The following UNC5D variants were observed in gnomAD, a reference collection of about 807,000 sequenced individuals.
UNC5D encodes the protein unc-5 netrin receptor D.
A neutral mutation model predicts 105.4 loss-of-function variants in UNC5D; 39 were observed. The observed-to-expected ratio is 0.37, with a 90% CI of 0.29 to 0.48. The LOEUF (loss-of-function observed/expected upper bound fraction) is 0.48, where lower values mean the gene tolerates loss of function less well. Among genes scored for constraint, UNC5D ranks in the 20% least tolerant of loss-of-function variants. UNC5D has a pLI of 0.98. For synonymous variants in UNC5D, 452 were observed against 450.4 expected, an observed-to-expected ratio of 1.00 and a Z score of -0.04; for missense variants, 991 against 1,202.4, an observed-to-expected ratio of 0.82 and a Z score of 2.60.
rs182593899 is a variant in UNC5D, at chr8:35,308,362, T to A, written c.103+72475T>A. ...CTGGAATCCAAGGACACTCTTACCTTGAAACTATAGATATGAACAGGTTTC... is the reference window on the plus strand; with the variant it reads ...CTGGAATCCAAGGACACTCTTACCTAGAAACTATAGATATGAACAGGTTTC... On this transcript the variant is annotated intron_variant, in intron 1 of 16. Coordinates refer to ENST00000404895, the MANE Select transcript of UNC5D (RefSeq NM_080872.4). 7.7e-3 allele frequency among the ~76,000 whole-genome samples: 1,171 copies of A among 152,194 alleles called. 4 individuals are homozygous for A. The highest frequency in any genetic ancestry group is 0.012 in the Non-Finnish European group (793 of 68,004).
chr8:35,664,797 A>AT (rs1341502351), intron 4 of UNC5D, among the ~76,000 whole-genome samples: 4 of 152,180 alleles, frequency 2.6e-5, no homozygotes, highest in African/African-American at 7.2e-5. Context: ...ATTTTGAGTT[A>AT]TTTTTAGGAT....
chr8:35,696,991 G>A (rs1027349879), intron 7 of UNC5D, among the ~76,000 whole-genome samples: 3 of 152,042 alleles, frequency 2.0e-5, no homozygotes, highest in African/African-American at 7.2e-5. Flanking sequence ...CAGATCTTTT[G>A]TTAACTAGTG....
intron 1 of UNC5D, among the ~76,000 whole-genome samples, chr8:35,343,659 A>G (rs1402053574): frequency 1.3e-5 from 2 of 152,126 alleles, no homozygotes; most frequent in Non-Finnish European, 2.9e-5. Context: ...TAATGAAGAA[A>G]CTAAAAATCT....
At chr8:35,639,863 A>G (rs1822603653) in intron 4 of UNC5D, among the ~76,000 whole-genome samples, 1 of 151,646 alleles carries the variant, frequency 6.6e-6, no homozygotes, top group African/African-American at 2.4e-5. Flanking sequence ...TTCCACCTAT[A>G]GGCATGCACC....
At position 35,282,669 on chromosome 8, in the gene UNC5D, A is replaced by C. The variant is rs1449668843; in HGVS notation, c.103+46782A>C. ...GTGTTCTTTAAAATGTGTGATTTCT[A>C]AACTGAACTTATTTTGCTTAACTAA... On this transcript the variant is annotated intron_variant, in intron 1 of 16. Transcript: ENST00000404895. Among the ~76,000 whole-genome samples the C allele has an allele frequency of 2.0e-5, 3 of 150,740 alleles. No homozygotes were observed. The East Asian group carries it at 6.0e-4, about 30-fold the overall frequency.
intron 1 of UNC5D, chr8:35,254,971 G>A (rs1803972016): frequency 6.6e-6 from 1 of 152,162 alleles, no homozygotes; most frequent in African/African-American, 2.4e-5. Flanking sequence ...TGTACTTATT[G>A]TAAGAAGTTT....
In UNC5D at chr8:35,372,158, C is replaced by T. The variant is rs115875389; in HGVS notation, c.103+136271C>T. Among the ~76,000 whole-genome samples the T allele has an allele frequency of 6.7e-3, 1,025 of 152,230 alleles. 11 individuals are homozygous for T. Among genetic ancestry groups the T allele is most frequent in the African/African-American group, 0.023 (950 of 41,526 alleles). On this transcript the variant is annotated intron_variant, in intron 1 of 16. Transcript: ENST00000404895. ...ATTTTTTTTGAGACGGAGTCTTACT[C>T]GGTCACCTAGGCTGGAGTGGAGTGG... is the stretch of plus-strand genomic sequence containing the variant.
Position 35,241,636 on chromosome 8 carries a change from CT to C in UNC5D, c.103+5760del, listed in dbSNP as rs557295722. Among the ~76,000 whole-genome samples the C allele has an allele frequency of 1.0e-3, 151 of 145,408 alleles. 2 individuals are homozygous for C. The highest frequency in any genetic ancestry group is 3.6e-3 in the Middle Eastern group (1 of 274). On this transcript the variant is annotated intron_variant, in intron 1 of 16. Coordinates refer to ENST00000404895, the MANE Select transcript of UNC5D (RefSeq NM_080872.4). ...TATTCTTCTTATATGACCAGTCTCA[CT>C]TTTTTTTTTTCAAACTTCAGAGTAG... is the stretch of plus-strand genomic sequence containing the variant.
chr8:35,537,234 G>A (rs1295235105), intron 1 of UNC5D, among the ~76,000 whole-genome samples: 1 of 152,130 alleles, frequency 6.6e-6, no homozygotes, highest in Non-Finnish European at 1.5e-5. Context: ...AATTTTGCTA[G>A]TAATCAGCAA....
intron 4 of UNC5D, among the ~76,000 whole-genome samples, chr8:35,682,392 G>C (rs1825729666): frequency 6.6e-6 from 1 of 152,218 alleles, no homozygotes; most frequent in South Asian, 2.1e-4. Flanking sequence ...AAATGCCCCT[G>C]ATGTGTATGC....
intron 1 of UNC5D, among the ~76,000 whole-genome samples, chr8:35,436,860 C>T (rs572431867): frequency 8.5e-5 from 13 of 152,154 alleles, no homozygotes; most frequent in African/African-American, 3.1e-4. Context: ...GACTTTTTCT[C>T]ATGAAATATT....
chr8:35,792,784 C>G lies in UNC5D; in HGVS notation c.*2221C>G, dbSNP rs1803099819. ...ATTTTCCCTCTTCCCTTCTAATGGG[C>G]ATTATAATTGTTTCATCTACTCTGT... is the stretch of plus-strand genomic sequence containing the variant. On this transcript the variant is annotated 3_prime_UTR_variant, in exon 17 of 17. Transcript: ENST00000404895. The G allele has an allele frequency of 3.3e-6, 1 of 305,312 alleles. No homozygotes were observed. 18.9% of individuals were successfully genotyped at this position (305,312 alleles called of 1,614,324 possible).
At chr8:35,754,104 TAAC>T (rs1223118240) in intron 13 of UNC5D, among the ~76,000 whole-genome samples, 1 of 152,224 alleles carries the variant, frequency 6.6e-6, no homozygotes, top group African/African-American at 2.4e-5. Context: ...AGGAAAGCCT[TAAC>T]AACAGTTCCC....
intron 1 of UNC5D, among the ~76,000 whole-genome samples, chr8:35,348,264 C>T (rs1340630616): frequency 1.3e-5 from 2 of 151,748 alleles, no homozygotes; most frequent in Non-Finnish European, 2.9e-5. Context: ...TGTAATTTGC[C>T]TTTTCACTTA....
chr8:35,542,706 T>A (rs992472615), intron 1 of UNC5D, among the ~76,000 whole-genome samples: 2 of 152,200 alleles, frequency 1.3e-5, no homozygotes, highest in Non-Finnish European at 2.9e-5. Context: ...CCTAACAGAA[T>A]TTTACTAATA....
intron 4 of UNC5D, among the ~76,000 whole-genome samples, chr8:35,613,505 T>G (rs569686621): frequency 6.6e-6 from 1 of 152,376 alleles, no homozygotes; most frequent in East Asian, 1.9e-4. Flanking sequence ...GCACTACTAA[T>G]ACTCTTTAAT....
chr8:35,686,497 C>T lies in UNC5D; in HGVS notation c.920-48C>T, dbSNP rs367681655. ...GCAGTCCTGGGGTGAGTCTCCTGAC[C>T]GCTACTTGATTCATTCTAACAATGG... is the stretch of plus-strand genomic sequence containing the variant. On this transcript the variant is annotated intron_variant, in intron 6 of 16. Coordinates refer to ENST00000404895, the MANE Select transcript of UNC5D (RefSeq NM_080872.4). 160 of 1,504,796 alleles carry T rather than the reference C, an allele frequency of 1.1e-4. 1 individual carries two copies. In the African/African-American group the frequency reaches 1.8e-3, roughly 17 times the overall value. 93.2% of individuals were successfully genotyped at this position (1,504,796 alleles called of 1,614,324 possible). A position where few individuals can be genotyped will look rare whatever the true frequency, so the allele number is the denominator to read the frequency against.
intron 1 of UNC5D, among the ~76,000 whole-genome samples, chr8:35,327,904 T>C (rs183789435): frequency 9.5e-4 from 144 of 152,300 alleles, no homozygotes; most frequent in Non-Finnish European, 3.1e-4. Flanking sequence ...GAGAAATAAG[T>C]CACAGAAGAT....
Position 35,501,620 on chromosome 8 carries a change from A to C in UNC5D, c.104-47672A>C, listed in dbSNP as rs575641265. Among the ~76,000 whole-genome samples, 28 of 152,346 alleles carry C rather than the reference A, an allele frequency of 1.8e-4. 1 individual carries two copies. Among genetic ancestry groups the C allele is most frequent in the African/African-American group, 6.5e-4 (27 of 41,596 alleles). On this transcript the variant is annotated intron_variant, in intron 1 of 16. Coordinates refer to ENST00000404895, the MANE Select transcript of UNC5D (RefSeq NM_080872.4). Reference sequence around the variant, plus strand: ...AAGTCAGAAAGCCTCCAAAGTTCTGAGTAGTTTGTATCTTTTAAAAAAAGA... The same window carrying C: ...AAGTCAGAAAGCCTCCAAAGTTCTGCGTAGTTTGTATCTTTTAAAAAAAGA...
Sources: allele counts gnomAD v4.1 joint callset (sites outside exome capture counted in the v4.1 genomes callset), GRCh38; gene constraint gnomAD v4.1.1; transcripts MANE v1.5; gene names NCBI Gene and HGNC (gene_info 2026-07-23, HGNC 2026-07-21).